The following STK39 variants were observed in gnomAD, a reference collection of about 807,000 sequenced individuals.
The protein encoded by STK39 is serine/threonine kinase 39.
In STK39, 20 loss-of-function variants were observed where a neutral mutation model predicts 77.8. The ratio of observed to expected loss-of-function variants is 0.26; its 90% CI spans 0.18 to 0.37. The LOEUF (loss-of-function observed/expected upper bound fraction) is 0.37, where lower values mean the gene tolerates loss of function less well. Ranked by LOEUF, STK39 falls within the 10% of genes least tolerant of loss-of-function variation. The pLI is 1.00. For missense variants in STK39, 479 were observed against 656.5 expected (o/e 0.73, Z 2.95); for synonymous variants, 246 against 234.1 (o/e 1.05, Z -0.47).
At chr2:168,141,394 G>T (rs1389654968) in intron 5 of STK39, among the ~76,000 whole-genome samples, 2 of 152,078 alleles carry the variant, frequency 1.3e-5, no homozygotes, top group East Asian at 3.9e-4. Context: ...TCCTTTGAAT[G>T]TCACCTCACA....
At chr2:168,042,536 A>G (rs753024725) in intron 14 of STK39, among the ~76,000 whole-genome samples, 1 of 151,998 alleles carries the variant, frequency 6.6e-6, no homozygotes, top group Non-Finnish European at 1.5e-5. Flanking sequence ...GAAAAACAGT[A>G]ACAACAGGTT....
intron 10 of STK39, among the ~76,000 whole-genome samples, chr2:168,098,233 T>A (rs1369526164): frequency 1.3e-5 from 2 of 152,322 alleles, no homozygotes; most frequent in East Asian, 1.9e-4. Context: ...TAATCAAATA[T>A]CTGTTGCATG....
chr2:168,025,459 T>C lies in STK39; in HGVS notation c.1377-8364A>G, dbSNP rs79983899. On this transcript the variant is annotated intron_variant, in intron 14 of 17. Coordinates refer to ENST00000355999, the MANE Select transcript of STK39 (RefSeq NM_013233.3). ...CTCGTATCATCCGTTTCTCTCAAAC[T>C]TCACTGCTACTGACCAAGGTCAGGC... Among the ~76,000 whole-genome samples, 1,006 of 152,312 alleles carry C rather than the reference T, an allele frequency of 6.6e-3. 5 individuals carry two copies. The highest frequency in any genetic ancestry group is 0.01 in the Non-Finnish European group (694 of 68,032).
intron 13 of STK39, among the ~76,000 whole-genome samples, chr2:168,064,013 T>C (rs1219859261): frequency 6.6e-6 from 1 of 152,206 alleles, no homozygotes; most frequent in Non-Finnish European, 1.5e-5. Context: ...CCCATTTTCT[T>C]GAATATTGAT....
intron 5 of STK39, among the ~76,000 whole-genome samples, chr2:168,143,672 C>G (rs1363426392): frequency 6.6e-6 from 1 of 151,976 alleles, no homozygotes; most frequent in East Asian, 1.9e-4. Flanking sequence ...TGAGATCATG[C>G]CACTCCACTC....
At chr2:168,081,616 T>G (rs541317455) in intron 10 of STK39, among the ~76,000 whole-genome samples, 1 of 152,262 alleles carries the variant, frequency 6.6e-6, no homozygotes, top group East Asian at 1.9e-4. Context: ...AAGGCATGAT[T>G]GATTCTGAAA....
chr2:168,152,499 C>T (rs1037195869), intron 5 of STK39, among the ~76,000 whole-genome samples: 2 of 152,198 alleles, frequency 1.3e-5, no homozygotes, highest in African/African-American at 2.4e-5. Flanking sequence ...CGGCGCTCCT[C>T]AACCGTCAAA....
rs188322138 is a variant in STK39, at chr2:168,232,928, G to A, written c.208+14300C>T. The stretch of plus-strand genomic sequence containing the variant: ...TGCTGTCTCAAAAAAAAAAAGAACA[G>A]GACATGAAATTATAGCCTTCAGAAA... On this transcript the variant is annotated intron_variant, in intron 1 of 17. Coordinates refer to ENST00000355999, the MANE Select transcript of STK39 (RefSeq NM_013233.3). Among the ~76,000 whole-genome samples the A allele has an allele frequency of 4.4e-4, 67 of 151,498 alleles. 1 individual carries two copies. The highest frequency in any genetic ancestry group is 2.9e-5 in the Non-Finnish European group (2 of 67,820).
intron 1 of STK39, among the ~76,000 whole-genome samples, chr2:168,227,976 T>A: frequency 6.6e-6 from 1 of 152,088 alleles, no homozygotes; most frequent in East Asian, 1.9e-4. Flanking sequence ...TTTCTACCAA[T>A]CAACGAAGTG....
intron 10 of STK39, among the ~76,000 whole-genome samples, chr2:168,114,271 A>G (rs538765180): frequency 6.6e-6 from 1 of 152,344 alleles, no homozygotes; most frequent in Non-Finnish European, 1.5e-5. Context: ...GATGAAATTC[A>G]CTAACCTTAG....
chr2:168,193,508 G>A (rs116594355), intron 1 of STK39, among the ~76,000 whole-genome samples: 1,921 of 152,304 alleles, frequency 0.013, 37 homozygotes, highest in African/African-American at 0.043. Flanking sequence ...CCCTCATGAA[G>A]GGCACGGAAC....
intron 14 of STK39, among the ~76,000 whole-genome samples, chr2:168,034,681 T>C (rs1684907850): frequency 6.6e-6 from 1 of 152,196 alleles, no homozygotes; most frequent in Non-Finnish European, 1.5e-5. Flanking sequence ...GTGGCTCTCA[T>C]CATTGCTGTT....
intron 10 of STK39, among the ~76,000 whole-genome samples, chr2:168,111,701 C>T (rs1687125069): frequency 6.6e-6 from 1 of 152,150 alleles, no homozygotes. Context: ...CAATTTTCTC[C>T]TTATAAATTC....
rs1684042349 is a variant in STK39, at chr2:168,003,081, T to TA, written c.1498+9552_1498+9553insT. On this transcript the variant is annotated intron_variant, in intron 16 of 17. Transcript: ENST00000355999. ...TCACTGCAACCTCCGCCTCCTGGGT[T>TA]GAAACGATTCTCCTGCCTCAGCCCC... 2.0e-5 allele frequency among the ~76,000 whole-genome samples: 3 copies of TA among 152,346 alleles called. No homozygotes were observed. In the South Asian group the frequency reaches 6.2e-4, roughly 32 times the overall value.
intron 1 of STK39, among the ~76,000 whole-genome samples, chr2:168,229,686 C>T (rs1282094880): frequency 2.6e-5 from 4 of 152,120 alleles, no homozygotes; most frequent in East Asian, 1.9e-4. Flanking sequence ...TGTTATTTTT[C>T]GGGCTGTGAC....
intron 14 of STK39, among the ~76,000 whole-genome samples, chr2:168,022,909 G>GT (rs1030097013): frequency 2.0e-5 from 3 of 152,040 alleles, no homozygotes; most frequent in African/African-American, 4.8e-5. Context: ...ACTGAAATTC[G>GT]TTTTTTTCAT....
At chr2:168,201,636 G>A (rs879270177) in intron 1 of STK39, among the ~76,000 whole-genome samples, 5 of 152,104 alleles carry the variant, frequency 3.3e-5, no homozygotes, top group Non-Finnish European at 5.9e-5. Context: ...GAAGGAATGC[G>A]GCCATTTTTC....
chr2:168,108,880 C>A (rs1023174597), intron 10 of STK39, among the ~76,000 whole-genome samples: 1 of 152,168 alleles, frequency 6.6e-6, no homozygotes. Flanking sequence ...AAGAAAAAGA[C>A]AACAAAAGCT....
intron 16 of STK39, among the ~76,000 whole-genome samples, chr2:167,973,263 C>A (rs559575670): frequency 2.6e-5 from 4 of 152,110 alleles, no homozygotes; most frequent in Admixed American, 1.3e-4. Flanking sequence ...CTAAATTAGG[C>A]AGGTCAGATA....
Sources: gnomAD v4.1 joint callset for allele counts (sites outside exome capture counted in the v4.1 genomes callset) on GRCh38, gnomAD v4.1.1 for gene constraint, MANE v1.5 for transcripts, NCBI Gene and HGNC (gene_info 2026-07-23, HGNC 2026-07-21) for gene names.